The following CCSER1 variants were observed in gnomAD, a reference collection of about 807,000 sequenced individuals.
CCSER1 encodes coiled-coil serine rich protein 1, also known as serine-rich coiled-coil domain-containing protein 1.
Under a neutral mutation model 82.0 loss-of-function variants are expected in CCSER1, and 41 were observed. The observed-to-expected ratio is 0.50, with a 90% CI of 0.39 to 0.65. CCSER1 has a LOEUF of 0.65. Ranked by LOEUF, CCSER1 falls within the 30% of genes least tolerant of loss-of-function variation. The probability of loss-of-function intolerance (pLI) is 0.00; values close to 1 mark genes in which losing one functional copy is unlikely to be tolerated. For missense variants in CCSER1, 1,119 were observed against 1,064.2 expected (o/e 1.05, Z -0.72); for synonymous variants, 414 against 383.9 (o/e 1.08, Z -0.92).
intron 1 of CCSER1, among the ~76,000 whole-genome samples, chr4:90,136,463 G>A (rs1723718850): frequency 6.6e-6 from 1 of 152,192 alleles, no homozygotes; most frequent in African/African-American, 2.4e-5. Flanking sequence ...TTCAGACTAA[G>A]TTGTTGTATT....
In CCSER1 at chr4:91,602,403, G is replaced by T. The variant is rs971492037; in HGVS notation, c.*3346G>T. 2.6e-5 allele frequency among the ~76,000 whole-genome samples: 4 copies of T among 151,900 alleles called. No homozygotes were observed. The highest frequency in any genetic ancestry group is 9.7e-5 in the African/African-American group (4 of 41,388). On this transcript the variant is annotated 3_prime_UTR_variant, in exon 11 of 11. Coordinates refer to ENST00000509176, the MANE Select transcript of CCSER1 (RefSeq NM_001145065.2). ...TTAAAAATTATTATGATATATTTAA[G>T]ATTCACATGCCCAGGATAAATGATT...
chr4:90,540,039 T>C (rs1374261129), intron 5 of CCSER1, among the ~76,000 whole-genome samples: 1 of 152,052 alleles, frequency 6.6e-6, no homozygotes, highest in Non-Finnish European at 1.5e-5. Flanking sequence ...AAGTTATCTA[T>C]AAGGAACGGA....
chr4:91,343,639 C>T (rs1349682809), intron 10 of CCSER1, among the ~76,000 whole-genome samples: 1 of 151,986 alleles, frequency 6.6e-6, no homozygotes, highest in Non-Finnish European at 1.5e-5. Flanking sequence ...TTTAACAGTA[C>T]CTACTGTTTC....
At chr4:91,143,417 T>C (rs1729228099) in intron 10 of CCSER1, among the ~76,000 whole-genome samples, 1 of 152,164 alleles carries the variant, frequency 6.6e-6, no homozygotes, top group Non-Finnish European at 1.5e-5. Context: ...TAAGATTATG[T>C]CATCAGTGAA....
At chr4:91,069,428 G>A (rs189170487) in intron 9 of CCSER1, among the ~76,000 whole-genome samples, 1 of 151,366 alleles carries the variant, frequency 6.6e-6, no homozygotes, top group African/African-American at 2.4e-5. Context: ...ATGTTAAAAA[G>A]GGTAAATAAA....
At chr4:90,402,689 G>A (rs1236662919) in intron 4 of CCSER1, among the ~76,000 whole-genome samples, 3 of 152,100 alleles carry the variant, frequency 2.0e-5, no homozygotes, top group Non-Finnish European at 2.9e-5. Flanking sequence ...ATTATGTTTG[G>A]TAGTCAACCA....
rs141588920 is a variant in CCSER1, at chr4:90,499,364, C to T, written c.1724+31010C>T. 5.3e-5 allele frequency among the ~76,000 whole-genome samples: 8 copies of T among 152,218 alleles called. No individual in the cohort carries two copies. In the East Asian group the frequency reaches 1.5e-3, roughly 29 times the overall value. On this transcript the variant is annotated intron_variant, in intron 5 of 10. Transcript: ENST00000509176. ...ATTTCATGTCTCTATATATGAAATG[C>T]TGCCCTTACCAATGCTGAAGTGTCT...
rs72882753 is a variant in CCSER1 at position 91,489,157 on chromosome 4, G to T, written c.2218-109415G>T. Among the ~76,000 whole-genome samples, 164 of 152,264 alleles carry T rather than the reference G, an allele frequency of 1.1e-3. 1 individual carries two copies. Among genetic ancestry groups the T allele is most frequent in the African/African-American group, 3.8e-3 (156 of 41,574 alleles). ...AATACCCTGAGTCATATGCTTGAAA[G>T]TCCTTTTGGAAGAAAAGAAATGAAG... On this transcript the variant is annotated intron_variant, in intron 10 of 10. Transcript: ENST00000509176.
intron 10 of CCSER1, among the ~76,000 whole-genome samples, chr4:91,143,128 C>G (rs1446641073): frequency 6.6e-6 from 1 of 151,802 alleles, no homozygotes; most frequent in East Asian, 1.9e-4. Context: ...GTATTTTTTT[C>G]ATTTGTTTAT....
At chr4:90,527,058 A>G (rs1378933804) in intron 5 of CCSER1, among the ~76,000 whole-genome samples, 1 of 152,130 alleles carries the variant, frequency 6.6e-6, no homozygotes, top group Non-Finnish European at 1.5e-5. Flanking sequence ...TTTAATGATC[A>G]CACCAAAAGC....
intron 5 of CCSER1, among the ~76,000 whole-genome samples, chr4:90,605,101 A>G (rs1784510631): frequency 6.6e-6 from 1 of 152,150 alleles, no homozygotes; most frequent in South Asian, 2.1e-4. Flanking sequence ...TGTAATGTTC[A>G]CCATGATGGT....
chr4:90,432,442 G>T (rs1249837484), intron 4 of CCSER1, among the ~76,000 whole-genome samples: 1 of 152,116 alleles, frequency 6.6e-6, no homozygotes, highest in Non-Finnish European at 1.5e-5. Flanking sequence ...TAACGACATT[G>T]TAATGTTTTT....
intron 5 of CCSER1, among the ~76,000 whole-genome samples, chr4:90,509,331 C>G (rs1278588311): frequency 6.6e-6 from 1 of 152,068 alleles, no homozygotes; most frequent in Admixed American, 6.6e-5. Flanking sequence ...GAGACTTTGT[C>G]TACAGCACCT....
chr4:91,195,093 G>A (rs1052036887), intron 10 of CCSER1, among the ~76,000 whole-genome samples: 2 of 152,182 alleles, frequency 1.3e-5, no homozygotes, highest in African/African-American at 4.8e-5. Flanking sequence ...TTGAGCATCA[G>A]TAAATGGCCA....
chr4:91,184,575 T>G (rs1734347629), intron 10 of CCSER1, among the ~76,000 whole-genome samples: 1 of 152,346 alleles, frequency 6.6e-6, no homozygotes, highest in South Asian at 2.1e-4. Flanking sequence ...GCCCATTTTC[T>G]AATTTTTCAG....
At chr4:91,378,613 T>C (rs920218081) in intron 10 of CCSER1, among the ~76,000 whole-genome samples, 4 of 152,324 alleles carry the variant, frequency 2.6e-5, no homozygotes, top group Middle Eastern at 3.4e-3. Flanking sequence ...ATCCTGAGGC[T>C]TTCCTGAAGT....
chr4:90,265,857 C>T (rs1047739588), intron 1 of CCSER1, among the ~76,000 whole-genome samples: 1 of 152,070 alleles, frequency 6.6e-6, no homozygotes, highest in Admixed American at 6.6e-5. Flanking sequence ...ACAATCACAT[C>T]CTGAGACTCT....
intron 8 of CCSER1, among the ~76,000 whole-genome samples, chr4:90,897,026 T>C (rs1172450299): frequency 1.3e-5 from 2 of 152,068 alleles, no homozygotes; most frequent in East Asian, 3.9e-4. Flanking sequence ...ATCTTACAAA[T>C]TTTTCCTTTT....
chr4:90,856,510 G>T (rs1325153159), intron 8 of CCSER1, among the ~76,000 whole-genome samples: 1 of 152,046 alleles, frequency 6.6e-6, no homozygotes, highest in Non-Finnish European at 1.5e-5. Flanking sequence ...AATAAAGTGG[G>T]TCTGATAAAT....
Sources: gnomAD v4.1 joint callset for allele counts (sites outside exome capture counted in the v4.1 genomes callset) on GRCh38, gnomAD v4.1.1 for gene constraint, MANE v1.5 for transcripts, NCBI Gene and HGNC (gene_info 2026-07-23, HGNC 2026-07-21) for gene names.